Variants in KCNIP2 observed in about 807,000 individuals in gnomAD.
The protein encoded by KCNIP2 is A-type potassium channel modulatory protein KCNIP2.
Under a neutral mutation model 39.0 loss-of-function variants are expected in KCNIP2, and 19 were observed. The observed-to-expected ratio is 0.49, with a 90% CI of 0.34 to 0.71. KCNIP2 has a LOEUF of 0.71. KCNIP2 is among the 30% of genes least tolerant of loss of function. The pLI, the probability that KCNIP2 is intolerant of heterozygous loss-of-function variation, is 0.01. For synonymous variants in KCNIP2, 111 were observed against 131.2 expected (o/e 0.85, Z 1.05); for missense variants, 261 against 346.0 (o/e 0.75, Z 1.95).
At chr10:101,836,170 G>A (rs1175901137) in intron 1 of KCNIP2, among the ~76,000 whole-genome samples, 2 of 152,092 alleles carry the variant, frequency 1.3e-5, no homozygotes, top group South Asian at 2.1e-4. Context: ...CCACCGGGGG[G>A]CACGCGTCCA....
At position 101,831,143 on chromosome 10, in the gene KCNIP2, T is replaced by A; in HGVS notation, c.98A>T (p.Lys33Ile). Residue 33 changes from lysine (K) to isoleucine (I), a missense_variant, in exon 2 of 10, where the codon AAA (lysine) becomes ATA (isoleucine). Lys to Ile is a moderately radical substitution (Grantham distance 102, BLOSUM62 -3). Transcript: ENST00000356640. ...CTTGAGGAATCGCTGCTTCAGCGCT[T>A]TTTTAGTGGGCCCTGGAGGGTGGCC... is the stretch of plus-strand genomic sequence containing the variant. ...LTGHPPGPTK[K>I]ALKQRFLKLL... The A allele has an allele frequency of 6.2e-7, 1 of 1,610,710 alleles. No individual in the cohort carries two copies. The highest frequency in any genetic ancestry group is 8.5e-7 in the Non-Finnish European group (1 of 1,178,694).
chr10:101,830,769 T>TACACAC (rs3837343), intron 2 of KCNIP2, among the ~76,000 whole-genome samples: 14,471 of 119,920 alleles, frequency 0.12, 816 homozygotes, highest in Middle Eastern at 0.16. Context: ...CGCCTCCCCA[T>TACACAC]ACACACACAC....
intron 1 of KCNIP2, among the ~76,000 whole-genome samples, chr10:101,835,041 G>A (rs897950880): frequency 2.0e-5 from 3 of 152,292 alleles, no homozygotes; most frequent in African/African-American, 7.2e-5. Flanking sequence ...ATGTGTAGGA[G>A]TGTGTTGAAG....
Position 101,843,535 on chromosome 10 carries a change from C to T in KCNIP2, c.34G>A (p.Asp12Asn), listed in dbSNP as rs776223860. ...TAGGAGCCGTCCAGGTCTCGGGAATCGGACAAACTCTCCTTGCGGCCCTGG... is the reference window on the plus strand; with the variant it reads ...TAGGAGCCGTCCAGGTCTCGGGAATTGGACAAACTCTCCTTGCGGCCCTGG... ...RGQGRKESLSDSRDLDGSYDQ... is the reference protein window; with the variant it reads ...RGQGRKESLSNSRDLDGSYDQ... The change falls in exon 1 of 10, where the codon GAT (aspartate) becomes AAT (asparagine). Residue 12 changes from aspartate (D) to asparagine (N), a missense_variant. By Grantham distance (23) the Asp-to-Asn change is conservative (BLOSUM62 1). Transcript: ENST00000356640. The surrounding 1 kb of genome is among the most constrained non-coding windows in gnomAD (Gnocchi z 6.7). 1.7e-5 allele frequency: 27 copies of T among 1,579,666 alleles called. No individual in the cohort carries two copies. The East Asian group carries it at 5.2e-4, about 31-fold the overall frequency.
chr10:101,832,623 G>C (rs2135166829), intron 1 of KCNIP2, among the ~76,000 whole-genome samples: 1 of 152,156 alleles, frequency 6.6e-6, no homozygotes, highest in East Asian at 1.9e-4. Context: ...GGGAGGCAGT[G>C]GGCCAGGCAG....
In KCNIP2 at chr10:101,828,127, C is replaced by T. The variant is rs1382956941; in HGVS notation, c.597+24G>A. On this transcript the variant is annotated intron_variant, in intron 7 of 9. Transcript: ENST00000356640. This position sits in a 1 kb window ranked among gnomAD's most constrained non-coding sequence, Gnocchi z 6.6. ...GCCACCCCCATCACCGCCACAGACC[C>T]CCAGCCCTTCAGTTGCCCTGCACCT... is the stretch of plus-strand genomic sequence containing the variant. The T allele has an allele frequency of 1.2e-6, 2 of 1,605,874 alleles. No homozygotes were observed. Among genetic ancestry groups the T allele is most frequent in the East Asian group, 4.5e-5 (2 of 44,852 alleles).
At chr10:101,834,565 C>A (rs986901520) in intron 1 of KCNIP2, among the ~76,000 whole-genome samples, 4 of 152,214 alleles carry the variant, frequency 2.6e-5, no homozygotes, top group African/African-American at 9.6e-5. Flanking sequence ...ACAGCCGCCG[C>A]CTCTTCCTCT....
chr10:101,830,353 T>C (rs1228390303), intron 2 of KCNIP2: 6 of 1,229,278 alleles, frequency 4.9e-6, no homozygotes, highest in East Asian at 6.1e-5. Context: ...TGTCGGGGCA[T>C]AGGCAACACA....
chr10:101,839,054 G>A (rs1202770866), intron 1 of KCNIP2, among the ~76,000 whole-genome samples: 2 of 152,088 alleles, frequency 1.3e-5, no homozygotes, highest in Non-Finnish European at 2.9e-5. Flanking sequence ...AGAGGCTCAG[G>A]AACCCTCAAC....
intron 1 of KCNIP2, among the ~76,000 whole-genome samples, chr10:101,840,701 A>T (rs1263671117): frequency 6.6e-6 from 1 of 151,882 alleles, no homozygotes; most frequent in Non-Finnish European, 1.5e-5. Context: ...CGCTCTTTCG[A>T]CTGGGATCCC....
chr10:101,829,047 G>T, intron 4 of KCNIP2, 28 bp downstream of exon 4: 1 of 1,604,850 alleles, frequency 6.2e-7, no homozygotes, highest in Non-Finnish European at 8.5e-7. Flanking sequence ...TCCCACCCTC[G>T]CTGAGTTTGG....
chr10:101,831,693 T>C (rs923766998), intron 1 of KCNIP2, among the ~76,000 whole-genome samples: 1 of 151,962 alleles, frequency 6.6e-6, no homozygotes, highest in Admixed American at 6.6e-5. Context: ...CACAAACATA[T>C]ACAAATGTGA....
At chr10:101,839,517 C>G (rs2066255828) in intron 1 of KCNIP2, among the ~76,000 whole-genome samples, 1 of 152,068 alleles carries the variant, frequency 6.6e-6, no homozygotes, top group African/African-American at 2.4e-5. Context: ...TGTGAGGGAC[C>G]TTGATGCCCC....
intron 1 of KCNIP2, among the ~76,000 whole-genome samples, chr10:101,840,114 T>C (rs898843096): frequency 2.6e-5 from 4 of 151,928 alleles, no homozygotes; most frequent in African/African-American, 9.7e-5. Context: ...AGGGAGCATT[T>C]TTCTGGGTTC....
At position 101,828,826 on chromosome 10, in the gene KCNIP2, CT is replaced by C. The variant is rs2065847061; in HGVS notation, c.349-131del. ...AGCCTCCAGAGGACTCACCACGTGG[CT>C]CATGTGATGGGAGGGAAGACTTCTT... On this transcript the variant is annotated intron_variant, in intron 4 of 9. Transcript: ENST00000356640. This position sits in a 1 kb window ranked among gnomAD's most constrained non-coding sequence, Gnocchi z 6.6. 6.3e-7 allele frequency: 1 copy of C among 1,581,640 alleles called. No homozygotes were observed. Among genetic ancestry groups the C allele is most frequent in the African/African-American group, 1.4e-5 (1 of 74,022 alleles).
In KCNIP2 at chr10:101,827,914, C is replaced by T; in HGVS notation, c.677G>A (p.Arg226Lys). The stretch of plus-strand genomic sequence containing the variant: ...CTGGAAGAAGCTCTCCACGTGTTCC[C>T]TTGGGGCCTCCTCCCGGAGTGCAGG... ...TYPALREEAP[R>K]EHVESFFQKM... The change falls in exon 8 of 10, where the codon AGG becomes AAG. Residue 226 changes from arginine to lysine, a missense_variant. Coordinates refer to ENST00000356640, the MANE Select transcript of KCNIP2 (RefSeq NM_173191.3). 6.2e-7 allele frequency: 1 copy of T among 1,614,018 alleles called. No individual in the cohort carries two copies. The highest frequency in any genetic ancestry group is 8.5e-7 in the Non-Finnish European group (1 of 1,179,892).
In KCNIP2 at chr10:101,828,502, G is replaced by A. The variant is rs1288497565; in HGVS notation, c.419-43C>T. 7 of 1,608,060 alleles carry A rather than the reference G, an allele frequency of 4.4e-6. No individual in the cohort carries two copies. Among genetic ancestry groups the A allele is most frequent in the Non-Finnish European group, 6.0e-6 (7 of 1,175,458 alleles). On this transcript the variant is annotated intron_variant, in intron 5 of 9. Coordinates refer to ENST00000356640, the MANE Select transcript of KCNIP2 (RefSeq NM_173191.3). This position sits in a 1 kb window ranked among gnomAD's most constrained non-coding sequence, Gnocchi z 6.6. ...AGAAGTTGGCTTCCACACAGGAGAG[G>A]ACTTCCTCCCTCTAAGGAGCTCCCC...
chr10:101,840,233 A>G (rs1196989245), intron 1 of KCNIP2, among the ~76,000 whole-genome samples: 1 of 127,472 alleles, frequency 7.8e-6, no homozygotes, highest in Non-Finnish European at 1.7e-5. Context: ...CGCCTGTCGC[A>G]CTCCTCCCCG....
At position 101,843,611 on chromosome 10, in the gene KCNIP2, G is replaced by C; in HGVS notation, c.-43C>G. On this transcript the variant is annotated 5_prime_UTR_variant, in exon 1 of 10. Transcript: ENST00000356640. This position sits in a 1 kb window ranked among gnomAD's most constrained non-coding sequence, Gnocchi z 6.7. ...TCCCGCCCGGGCCGTGGGAGGGGGC[G>C]CCGGGTGGCCGGGATAGGGCGCTCA... 1 of 1,224,100 alleles carries C rather than the reference G, an allele frequency of 8.2e-7. No individual in the cohort carries two copies. The highest frequency in any genetic ancestry group is 1.1e-6 in the Non-Finnish European group (1 of 908,610). The allele number at this position is 1,224,100 out of a possible 1,614,324, so 75.8% of individuals were successfully genotyped here.
Sources: allele counts gnomAD v4.1 joint callset (sites outside exome capture counted in the v4.1 genomes callset), GRCh38; gene constraint gnomAD v4.1.1; non-coding constraint Gnocchi (gnomAD v3.1); transcripts MANE v1.5; gene names NCBI Gene and HGNC (gene_info 2026-07-23, HGNC 2026-07-21).